RPTOR: variants seen among roughly 807,000 people sequenced by gnomAD.
The protein encoded by RPTOR is regulatory associated protein of MTOR complex 1.
In RPTOR, 21 loss-of-function variants were observed where a neutral mutation model predicts 169.9. The ratio of observed to expected loss-of-function variants is 0.12; its 90% CI spans 0.09 to 0.18. The LOEUF (loss-of-function observed/expected upper bound fraction) is 0.18. Among genes scored for constraint, RPTOR ranks in the 10% least tolerant of loss-of-function variants. RPTOR has a pLI of 1.00. For missense variants in RPTOR, 1,133 were observed against 1,855.9 expected (o/e 0.61, Z 7.16); for synonymous variants, 732 against 753.2 (o/e 0.97, Z 0.46).
chr17:80,634,324 T>TGTGCGTGTGC (rs1491570688), intron 2 of RPTOR, among the ~76,000 whole-genome samples: 47 of 33,946 alleles, frequency 1.4e-3, no homozygotes, highest in Non-Finnish European at 2.1e-3. Flanking sequence ...GTGTGCGTAC[T>TGTGCGTGTGC]ATGTGCGTGT....
intron 21 of RPTOR, among the ~76,000 whole-genome samples, chr17:80,922,187 C>T (rs1407196357): frequency 6.6e-6 from 1 of 152,238 alleles, no homozygotes; most frequent in Non-Finnish European, 1.5e-5. Flanking sequence ...ATGAAGCACT[C>T]CCTGACCCTC....
intron 6 of RPTOR, among the ~76,000 whole-genome samples, chr17:80,772,956 C>T (rs1316738600): frequency 6.6e-6 from 1 of 152,164 alleles, no homozygotes; most frequent in Admixed American, 6.5e-5. Context: ...CTGACCTGAG[C>T]GCTCTTCTCT....
intron 2 of RPTOR, among the ~76,000 whole-genome samples, chr17:80,639,310 A>G (rs2065533647): frequency 2.6e-5 from 4 of 151,620 alleles, no homozygotes; most frequent in Admixed American, 2.6e-4. Context: ...AGTGTCTGCT[A>G]AATACACGGT....
At chr17:80,946,755 TA>T (rs1380551060) in intron 26 of RPTOR, among the ~76,000 whole-genome samples, 1 of 152,268 alleles carries the variant, frequency 6.6e-6, no homozygotes, top group Non-Finnish European at 1.5e-5. Flanking sequence ...ACCTTTTGTC[TA>T]TTGTGAATAA....
intron 24 of RPTOR, among the ~76,000 whole-genome samples, chr17:80,937,826 C>A (rs1479129145): frequency 1.3e-5 from 2 of 152,254 alleles, no homozygotes; most frequent in Non-Finnish European, 2.9e-5. Flanking sequence ...TCCACGGCAT[C>A]TCTGCCTTCC....
At chr17:80,862,297 G>A (rs944786521) in intron 13 of RPTOR, among the ~76,000 whole-genome samples, 6 of 152,068 alleles carry the variant, frequency 3.9e-5, no homozygotes, top group African/African-American at 2.4e-5. Flanking sequence ...AAGTGTTTCC[G>A]GTAGAAACTG....
At chr17:80,891,030 T>C (rs1470332260) in intron 17 of RPTOR, among the ~76,000 whole-genome samples, 2 of 151,968 alleles carry the variant, frequency 1.3e-5, no homozygotes, top group African/African-American at 4.8e-5. Context: ...GAAAAAAACG[T>C]TCTTTCCGCT....
intron 2 of RPTOR, among the ~76,000 whole-genome samples, chr17:80,630,137 A>G (rs773442141): frequency 5.9e-5 from 9 of 152,330 alleles, no homozygotes; most frequent in African/African-American, 2.2e-4. Flanking sequence ...TCCTTGATCT[A>G]TAGTTCAGAA....
intron 23 of RPTOR, chr17:80,923,991 T>C (rs1202537882): frequency 1.0e-5 from 4 of 391,842 alleles, no homozygotes; most frequent in Non-Finnish European, 1.8e-5. Context: ...GCAGCTTCCA[T>C]GTAACGAAAC....
intron 28 of RPTOR, among the ~76,000 whole-genome samples, chr17:80,955,005 T>C (rs1266756181): frequency 6.6e-6 from 1 of 152,184 alleles, no homozygotes; most frequent in Non-Finnish European, 1.5e-5. Context: ...CAAATGCACT[T>C]TCTTCACAGA....
chr17:80,608,269 T>C (rs1356599558), intron 1 of RPTOR, among the ~76,000 whole-genome samples: 1 of 152,224 alleles, frequency 6.6e-6, no homozygotes, highest in Non-Finnish European at 1.5e-5. Context: ...GAATTTATGA[T>C]CTCATTTCCC....
chr17:80,869,186 G>A (rs2068025454), intron 13 of RPTOR, among the ~76,000 whole-genome samples: 1 of 152,088 alleles, frequency 6.6e-6, no homozygotes, highest in Admixed American at 6.6e-5. Context: ...CTGAGATAGA[G>A]CCTCACTCTG....
At chr17:80,901,827 C>G (rs2143909498) in intron 20 of RPTOR, among the ~76,000 whole-genome samples, 1 of 152,200 alleles carries the variant, frequency 6.6e-6, no homozygotes, top group South Asian at 2.1e-4. Flanking sequence ...AGCGCCCTCC[C>G]TGCTCTGCCT....
chr17:80,652,056 G>A (rs1291068970), intron 3 of RPTOR, among the ~76,000 whole-genome samples: 1 of 151,312 alleles, frequency 6.6e-6, no homozygotes, highest in Non-Finnish European at 1.5e-5. Flanking sequence ...TGTAGTCCCA[G>A]CTATTCCGGA....
In RPTOR at chr17:80,964,195, G is replaced by GCC; in HGVS notation, c.3940-61_3940-60dup. The GCC allele has an allele frequency of 5.6e-5, 62 of 1,105,576 alleles. 1 individual carries two copies. Among genetic ancestry groups the GCC allele is most frequent in the Admixed American group, 1.9e-4 (10 of 52,664 alleles). The allele number at this position is 1,105,576 out of a possible 1,614,324, so 68.5% of individuals were successfully genotyped here. On this transcript the variant is annotated intron_variant, in intron 33 of 33. Transcript: ENST00000306801. ...TGCCTAAGGATGCGGGTTGGCCTGC[G>GCC]CCCCCCCGCCCCCCGCAGTGTCTGC...
At chr17:80,799,842 G>A (rs1187318540) in intron 7 of RPTOR, among the ~76,000 whole-genome samples, 1 of 152,254 alleles carries the variant, frequency 6.6e-6, no homozygotes, top group Non-Finnish European at 1.5e-5. Flanking sequence ...GCAGGTGCCA[G>A]GTGGTGATCG....
At chr17:80,546,197 AG>A (rs1216246190) in intron 1 of RPTOR, among the ~76,000 whole-genome samples, 9 of 152,336 alleles carry the variant, frequency 5.9e-5, no homozygotes, top group Admixed American at 2.6e-4. Flanking sequence ...GGTGAAGTGC[AG>A]AAGTCTGATA....
intron 24 of RPTOR, among the ~76,000 whole-genome samples, chr17:80,933,089 C>A (rs140269996): frequency 1.1e-3 from 170 of 152,348 alleles, no homozygotes; most frequent in African/African-American, 3.7e-3. Context: ...AACATATCCT[C>A]TCTTGCCACT....
At chr17:80,748,507 G>A (rs549787954) in intron 5 of RPTOR, among the ~76,000 whole-genome samples, 2 of 118,960 alleles carry the variant, frequency 1.7e-5, no homozygotes, top group Admixed American at 1.6e-4. Context: ...TTGGATGGAG[G>A]GACTGCGGTG....
Sources: gnomAD v4.1 joint callset for allele counts (sites outside exome capture counted in the v4.1 genomes callset) on GRCh38, gnomAD v4.1.1 for gene constraint, MANE v1.5 for transcripts, NCBI Gene and HGNC (gene_info 2026-07-23, HGNC 2026-07-21) for gene names.